The following PNPLA7 variants were observed in gnomAD, a reference collection of about 807,000 sequenced individuals.
PNPLA7 encodes patatin-like phospholipase domain-containing protein 7.
Under a neutral mutation model 161.7 loss-of-function variants are expected in PNPLA7, and 153 were observed. The observed-to-expected ratio is 0.95, with a 90% confidence interval of 0.83 to 1.08. The LOEUF (loss-of-function observed/expected upper bound fraction) is 1.08, where lower values mean the gene tolerates loss of function less well. PNPLA7 is among the 50% of genes least tolerant of loss of function. PNPLA7 has a pLI of 0.00. For synonymous variants in PNPLA7, 809 were observed against 782.1 expected (o/e 1.03, Z -0.57); for missense variants, 1,739 against 1,856.6 (o/e 0.94, Z 1.16).
At chr9:137,522,659 C>T (rs117944638) in intron 9 of PNPLA7, 70 bp downstream of exon 9, 1 of 1,572,844 alleles carries the variant, frequency 6.4e-7, no homozygotes, top group African/African-American at 1.4e-5. Context: ...ACTCAAATCC[C>T]AAACCAGTGC....
intron 7 of PNPLA7, among the ~76,000 whole-genome samples, chr9:137,542,246 A>C (rs1836243218): frequency 6.6e-6 from 1 of 152,192 alleles, no homozygotes; most frequent in African/African-American, 2.4e-5. Flanking sequence ...AGATGGGAGA[A>C]TCGCCTGAGC....
Position 137,463,395 on chromosome 9 carries a change from TGG to T in PNPLA7, c.3343+18_3343+19del. On this transcript the variant is annotated intron_variant, in intron 29 of 34. Transcript: ENST00000406427. ...CAGGAGCCTGTGCTCCTGCCGGGCG[TGG>T]TCCCCCCACCGCAGTACCTGGGAGG... 6.3e-7 allele frequency: 1 copy of T among 1,582,820 alleles called. No homozygotes were observed. Among genetic ancestry groups the T allele is most frequent in the Non-Finnish European group, 8.6e-7 (1 of 1,160,118 alleles).
At chr9:137,487,992 T>C (rs1055033772) in intron 20 of PNPLA7, among the ~76,000 whole-genome samples, 2 of 152,262 alleles carry the variant, frequency 1.3e-5, no homozygotes. Context: ...CTCTAGGCGC[T>C]GAGTGGAAGG....
intron 19 of PNPLA7, 102 bp from the exon 20 acceptor site, chr9:137,493,184 G>C: frequency 8.3e-7 from 1 of 1,205,356 alleles, no homozygotes; most frequent in Non-Finnish European, 1.2e-6. Flanking sequence ...AGCCAATGGC[G>C]CTGGATCTGC....
rs1833227824 is a variant in PNPLA7, at chr9:137,499,024, A to G, written c.1758-779T>C. On this transcript the variant is annotated intron_variant, in intron 16 of 34. Coordinates refer to ENST00000406427, the MANE Select transcript of PNPLA7 (RefSeq NM_001098537.3). This position sits in a 1 kb window ranked among gnomAD's most constrained non-coding sequence, Gnocchi z 5.5. ...GCTGGGTGAGGGCGTGAAGGGCGTG[A>G]GCGTGGCACTTAGAGCCCTGGGGGT... Among the ~76,000 whole-genome samples the G allele has an allele frequency of 6.6e-6, 1 of 151,966 alleles. No individual in the cohort carries two copies. The highest frequency in any genetic ancestry group is 2.1e-4 in the South Asian group (1 of 4,820).
At chr9:137,545,100 G>A (rs1302337995) in intron 4 of PNPLA7, among the ~76,000 whole-genome samples, 1 of 152,148 alleles carries the variant, frequency 6.6e-6, no homozygotes, top group Non-Finnish European at 1.5e-5. Flanking sequence ...GTGCAGGGAG[G>A]CGGCCAGGGG....
rs1835364941 is a variant in PNPLA7 at position 137,527,534 on chromosome 9, C to CT, written c.748-4678dup. 2.0e-5 allele frequency among the ~76,000 whole-genome samples: 3 copies of CT among 152,270 alleles called. No individual in the cohort carries two copies. The South Asian group carries it at 6.2e-4, about 32-fold the overall frequency. On this transcript the variant is annotated intron_variant, in intron 8 of 34. Coordinates refer to ENST00000406427, the MANE Select transcript of PNPLA7 (RefSeq NM_001098537.3). Reference sequence around the variant, plus strand: ...AATCAGATGGCTTTTCTTCTTTAGTCTGTCAATATGGAACATTACATCAAC... The same window carrying CT: ...AATCAGATGGCTTTTCTTCTTTAGTCTTGTCAATATGGAACATTACATCAAC...
chr9:137,483,915 T>C (rs554774341), intron 21 of PNPLA7, among the ~76,000 whole-genome samples: 1 of 152,276 alleles, frequency 6.6e-6, no homozygotes, highest in African/African-American at 2.4e-5. Context: ...TTATAATAAT[T>C]ATACAACATT....
rs753624087 is a variant in PNPLA7 at position 137,550,273 on chromosome 9, C to G, written c.-76G>C. ...AAACAAGGGCACACCTCTACCCGCT[C>G]ATGCTCACACCTGGACACTTTTCCC... On this transcript the variant is annotated 5_prime_UTR_variant, in exon 1 of 35. It removes an upstream start codon present in the reference 5' UTR. Transcript: ENST00000406427. 1.8e-5 allele frequency: 27 copies of G among 1,509,142 alleles called. No individual in the cohort carries two copies. The South Asian group carries it at 2.5e-4, about 14-fold the overall frequency. The allele number at this position is 1,509,142 out of a possible 1,614,324, so 93.5% of individuals were successfully genotyped here. A position where few individuals can be genotyped will look rare whatever the true frequency, so the allele number is the denominator to read the frequency against.
rs1011120488 is a variant in PNPLA7, at chr9:137,537,734, C to A, written c.747+2908G>T. 2.0e-5 allele frequency among the ~76,000 whole-genome samples: 3 copies of A among 152,130 alleles called. No individual in the cohort carries two copies. The highest frequency in any genetic ancestry group is 4.4e-5 in the Non-Finnish European group (3 of 68,034). ...ATCGCAGCAGCTGAGAGGAACCCGG[C>A]CCGTCTCAGCGCACAGCTCCCCTCT... On this transcript the variant is annotated intron_variant, in intron 8 of 34. Coordinates refer to ENST00000406427, the MANE Select transcript of PNPLA7 (RefSeq NM_001098537.3). This position sits in a 1 kb window ranked among gnomAD's most constrained non-coding sequence, Gnocchi z 4.5.
At chr9:137,514,686 G>A (rs1467566260) in intron 12 of PNPLA7, among the ~76,000 whole-genome samples, 1 of 140,066 alleles carries the variant, frequency 7.1e-6, no homozygotes, top group Non-Finnish European at 1.5e-5. Context: ...GGCTGCAGGC[G>A]GGTCACTCGG....
intron 12 of PNPLA7, among the ~76,000 whole-genome samples, chr9:137,513,737 A>G (rs17065442): frequency 6.6e-6 from 1 of 152,114 alleles, no homozygotes; most frequent in South Asian, 2.1e-4. Flanking sequence ...GAATCTCCAA[A>G]AAAAACTAAG....
Position 137,484,601 on chromosome 9 carries a change from G to T in PNPLA7, c.2333C>A (p.Ala778Asp). The T allele has an allele frequency of 6.2e-7, 1 of 1,609,800 alleles. No individual in the cohort carries two copies. Among genetic ancestry groups the T allele is most frequent in the Non-Finnish European group, 8.5e-7 (1 of 1,177,720 alleles). The change falls in exon 21 of 35, where the codon GCC becomes GAC. Residue 778 changes from alanine (A) to aspartate (D), a missense_variant. This residue lies in a region of PNPLA7 where 192 missense variants were observed against 249.5 expected (regional missense o/e 0.77). Coordinates refer to ENST00000406427, the MANE Select transcript of PNPLA7 (RefSeq NM_001098537.3). ...LTAFALELEH[A>D]LSAIGPTLLL... The stretch of plus-strand genomic sequence containing the variant: ...CTCAGGCTTACCGATGGCGCTGAGG[G>T]CATGCTCCAGCTCCAGGGCGAAGGC...
At chr9:137,497,105 C>G in intron 18 of PNPLA7, 82 bp downstream of exon 18, 4 of 1,341,630 alleles carry the variant, frequency 3.0e-6, no homozygotes, top group Non-Finnish European at 1.9e-6. Flanking sequence ...AGTAACTGGC[C>G]AGGCCACACC....
intron 11 of PNPLA7, chr9:137,516,268 G>C: frequency 1.0e-5 from 10 of 967,304 alleles, no homozygotes; most frequent in Non-Finnish European, 1.2e-5. Flanking sequence ...GTCTGGGCTC[G>C]CCTGGGATGG....
At chr9:137,519,252 A>T (rs12341819) in intron 11 of PNPLA7, among the ~76,000 whole-genome samples, 4,783 of 152,346 alleles carry the variant, frequency 0.031, 242 homozygotes, top group African/African-American at 0.11. Flanking sequence ...TGTTAACTCC[A>T]TCACACAGAT....
In PNPLA7 at chr9:137,476,197, C is replaced by T. The variant is rs763648101; in HGVS notation, c.2882+1837G>A. 1.2e-4 allele frequency among the ~76,000 whole-genome samples: 18 copies of T among 152,064 alleles called. No homozygotes were observed. The highest frequency in any genetic ancestry group is 2.2e-4 in the Non-Finnish European group (15 of 68,006). ...AGATGAGTGGTATGTCCGAACATAC[C>T]GAGAGGAGGTTAATGCCTGCCTCAG... On this transcript the variant is annotated intron_variant, in intron 25 of 34. Coordinates refer to ENST00000406427, the MANE Select transcript of PNPLA7 (RefSeq NM_001098537.3). The surrounding 1 kb of genome is among the most constrained non-coding windows in gnomAD (Gnocchi z 4.5).
Position 137,547,276 on chromosome 9 carries a change from C to A in PNPLA7, c.193+33G>T. On this transcript the variant is annotated intron_variant, in intron 3 of 34. Coordinates refer to ENST00000406427, the MANE Select transcript of PNPLA7 (RefSeq NM_001098537.3). This position sits in a 1 kb window ranked among gnomAD's most constrained non-coding sequence, Gnocchi z 4.6. ...CAAGACACCCACGCTTTCCCCCAAC[C>A]CCCCGGGCCAGAGTCGGAACCAAGA... 1 of 1,602,450 alleles carries A rather than the reference C, an allele frequency of 6.2e-7. No homozygotes were observed. The highest frequency in any genetic ancestry group is 8.5e-7 in the Non-Finnish European group (1 of 1,170,174).
In PNPLA7 at chr9:137,504,635, C is replaced by T. The variant is rs546615580; in HGVS notation, c.1473+979G>A. Among the ~76,000 whole-genome samples the T allele has an allele frequency of 9.2e-5, 14 of 152,290 alleles. 1 individual carries two copies. In the South Asian group the frequency reaches 2.9e-3, roughly 32 times the overall value. On this transcript the variant is annotated intron_variant, in intron 14 of 34. Coordinates refer to ENST00000406427, the MANE Select transcript of PNPLA7 (RefSeq NM_001098537.3). ...ACACAGTCAGGGGTCCAGGAACACG[C>T]TGGGTGGGTGAGCAATCGCAGCTTT...
Sources: gnomAD v4.1 joint callset for allele counts (sites outside exome capture counted in the v4.1 genomes callset) on GRCh38, gnomAD v4.1.1 for gene constraint, gnomAD v4.1.1 regional missense constraint, Gnocchi (gnomAD v3.1) non-coding constraint, MANE v1.5 for transcripts, NCBI Gene and HGNC (gene_info 2026-07-23, HGNC 2026-07-21) for gene names.